Variants in SCRN1 observed in about 807,000 individuals in gnomAD.
SCRN1 encodes the protein secernin-1.
Under a neutral mutation model 43.3 loss-of-function variants are expected in SCRN1, and 19 were observed. The ratio of observed to expected loss-of-function variants is 0.44; its 90% CI spans 0.31 to 0.64. The LOEUF (loss-of-function observed/expected upper bound fraction) is 0.64. Ranked by LOEUF, SCRN1 falls within the 30% of genes least tolerant of loss-of-function variation. The probability of loss-of-function intolerance (pLI) is 0.09; values close to 1 mark genes in which losing one functional copy is unlikely to be tolerated. For missense variants in SCRN1, 447 were observed against 524.1 expected (o/e 0.85, Z 1.44); for synonymous variants, 183 against 188.9 (o/e 0.97, Z 0.26).
chr7:29,961,213 G>A (rs1317396183), intron 2 of SCRN1, among the ~76,000 whole-genome samples: 76 of 142,776 alleles, frequency 5.3e-4, no homozygotes, highest in African/African-American at 1.9e-3. Flanking sequence ...AGAGGACCCT[G>A]CGGCCTTCCG....
rs6967443 is a variant in SCRN1, at chr7:29,938,947, G to A, written c.739+1735C>T. Reference sequence around the variant, plus strand: ...CTCGGCAATTATTATATTAAACAGCGTATTTGTTCCTCTATCCTCTGTATT... The same window carrying A: ...CTCGGCAATTATTATATTAAACAGCATATTTGTTCCTCTATCCTCTGTATT... On this transcript the variant is annotated intron_variant, in intron 5 of 7. Transcript: ENST00000242059. Among the ~76,000 whole-genome samples, 97 of 152,174 alleles carry A rather than the reference G, an allele frequency of 6.4e-4. 1 individual carries two copies. The highest frequency in any genetic ancestry group is 2.1e-3 in the African/African-American group (87 of 41,498).
intron 4 of SCRN1, among the ~76,000 whole-genome samples, chr7:29,941,274 A>G (rs1787537737): frequency 6.6e-6 from 1 of 152,238 alleles, no homozygotes; most frequent in Non-Finnish European, 1.5e-5. Context: ...GTCCTCTATA[A>G]TAGAGATGCT....
At chr7:29,930,458 G>A (rs139351325) in intron 6 of SCRN1, among the ~76,000 whole-genome samples, 174 of 152,254 alleles carry the variant, frequency 1.1e-3, no homozygotes, top group African/African-American at 3.0e-3. Context: ...AGCCACAGAC[G>A]GTAGCTTCTT....
intron 2 of SCRN1, among the ~76,000 whole-genome samples, chr7:29,963,281 C>T (rs1788388810): frequency 6.6e-6 from 1 of 152,106 alleles, no homozygotes; most frequent in South Asian, 2.1e-4. Flanking sequence ...AGAACTCATC[C>T]TCCTAGTTTC....
chr7:29,990,019 T>C, upstream of SCRN1: 1 of 1,451,208 alleles, frequency 6.9e-7, no homozygotes, highest in Non-Finnish European at 9.0e-7. Flanking sequence ...TGGCCCCCTC[T>C]TTGCTAGATT....
intron 7 of SCRN1, 92 bp from the exon 8 acceptor site, chr7:29,924,207 C>T: frequency 2.3e-6 from 3 of 1,310,144 alleles, no homozygotes; most frequent in Non-Finnish European, 3.1e-6. Context: ...AGCTGGCTTC[C>T]TGCTCAAGGT....
At chr7:29,929,685 C>T (rs746042017) in intron 6 of SCRN1, among the ~76,000 whole-genome samples, 1 of 152,238 alleles carries the variant, frequency 6.6e-6, no homozygotes. Flanking sequence ...CACTGTGGGT[C>T]CATGTTTTCC....
Position 29,968,980 on chromosome 7 carries a change from G to T in SCRN1, c.88C>A (p.Arg30=). The T allele has an allele frequency of 6.2e-7, 1 of 1,613,994 alleles. No homozygotes were observed. The highest frequency in any genetic ancestry group is 1.6e-4 in the Middle Eastern group (1 of 6,062). ...ACCTCTTGCACTTCATCTCTGGGCC[G>T]GGCTGAATTTTTCCCAAATACCACC... The part of the protein sequence containing the change: ...GLVVFGKNSA[R]PRDEVQEVVY... Residue 30 remains arginine, a synonymous_variant, in exon 2 of 8, where the codon CGG becomes AGG. Transcript: ENST00000242059.
At chr7:29,959,685 G>A (rs568419096) in intron 2 of SCRN1, among the ~76,000 whole-genome samples, 1 of 152,278 alleles carries the variant, frequency 6.6e-6, no homozygotes, top group East Asian at 1.9e-4. Context: ...AAGGTGCTGA[G>A]ATCAGAGGGC....
rs567173580 is a variant in SCRN1 at position 29,936,828 on chromosome 7, C to T, written c.740-107G>A. ...TTGGGAGGCCGAGGCGGGCGGATCA[C>T]GAGGTCAGGAGATCGCGACCATCCT... On this transcript the variant is annotated intron_variant, in intron 5 of 7. Coordinates refer to ENST00000242059, the MANE Select transcript of SCRN1 (RefSeq NM_014766.5). 103 of 840,406 alleles carry T rather than the reference C, an allele frequency of 1.2e-4. No individual in the cohort carries two copies. The South Asian group carries it at 1.4e-3, about 12-fold the overall frequency. 52.1% of individuals were successfully genotyped at this position (840,406 alleles called of 1,614,324 possible).
At chr7:29,990,052 CAA>C (rs1330382591), upstream of SCRN1, 7 of 1,496,924 alleles carry the variant, frequency 4.7e-6, no homozygotes, top group African/African-American at 9.9e-5. Flanking sequence ...TTGTGGCTCT[CAA>C]AAGGGAAAAC....
chr7:29,935,172 G>A (rs11762030), intron 6 of SCRN1, among the ~76,000 whole-genome samples: 7,976 of 152,260 alleles, frequency 0.052, 279 homozygotes, highest in Non-Finnish European at 0.083. Context: ...TTGAATGAAC[G>A]AGTGAATGAA....
chr7:29,950,528 G>A lies in SCRN1; in HGVS notation c.341+4651C>T, dbSNP rs376748187. ...TCAAGCCAGGAATGGCCGGAAGCCC[G>A]GAGGCTGGTCTGCTAGTTCCGGGTG... On this transcript the variant is annotated intron_variant, in intron 3 of 7. Transcript: ENST00000242059. This position sits in a 1 kb window ranked among gnomAD's most constrained non-coding sequence, Gnocchi z 4.5. Among the ~76,000 whole-genome samples the A allele has an allele frequency of 3.3e-5, 5 of 152,224 alleles. No homozygotes were observed. Among genetic ancestry groups the A allele is most frequent in the South Asian group, 2.1e-4 (1 of 4,832 alleles).
At chr7:29,951,531 C>T (rs1425544161) in intron 3 of SCRN1, among the ~76,000 whole-genome samples, 1 of 152,244 alleles carries the variant, frequency 6.6e-6, no homozygotes, top group African/African-American at 2.4e-5. Context: ...GCATGAGCCA[C>T]TGCACCTGGC....
At chr7:29,969,353 G>A in intron 1 of SCRN1, 1 of 426,378 alleles carries the variant, frequency 2.3e-6, no homozygotes, top group Non-Finnish European at 4.3e-6. Flanking sequence ...GAAAGGAAAG[G>A]AGGTTATTGT....
intron 7 of SCRN1, among the ~76,000 whole-genome samples, chr7:29,924,881 C>T (rs922103359): frequency 6.6e-6 from 1 of 152,170 alleles, no homozygotes. Flanking sequence ...AGAAGCTGCT[C>T]TCACCACCCG....
intron 1 of SCRN1, chr7:29,989,066 G>GAGAACCCAGGGGCGGCCCGCGC (rs1789265427): frequency 6.6e-6 from 1 of 152,038 alleles, no homozygotes. Flanking sequence ...GCGGCCCGCG[G>GAGAACCCAGGGGCGGCCCGCGC]AGAACCCAGG....
rs746544955 is a variant in SCRN1 at position 29,969,046 on chromosome 7, A to T, written c.22T>A (p.Tyr8Asn). Residue 8 changes from tyrosine (Y) to asparagine (N), a missense_variant, in exon 2 of 8, where the codon TAC becomes AAC. Physicochemically the swap from Tyr to Asn is moderately radical, Grantham distance 143. Coordinates refer to ENST00000242059, the MANE Select transcript of SCRN1 (RefSeq NM_014766.5). Reference sequence around the variant, plus strand: ...CGTGGAGGGAAGGCAACAAAACAGTAACTTGGAGGAGCTGCAGCCATCCTG... The same window carrying T: ...CGTGGAGGGAAGGCAACAAAACAGTTACTTGGAGGAGCTGCAGCCATCCTG... MAAAPPSYCFVAFPPRAK... is the reference protein window; with the variant it reads MAAAPPSNCFVAFPPRAK... 2 of 1,613,742 alleles carry T rather than the reference A, an allele frequency of 1.2e-6. No individual in the cohort carries two copies. Among genetic ancestry groups the T allele is most frequent in the Non-Finnish European group, 1.7e-6 (2 of 1,179,844 alleles).
At position 29,923,698 on chromosome 7, in the gene SCRN1, C is replaced by A; in HGVS notation, c.*259G>T. On this transcript the variant is annotated 3_prime_UTR_variant, in exon 8 of 8. Transcript: ENST00000242059. ...TGCCACTGAAATACAATAATAGCAG[C>A]TTAAAATCCACAATTAGTCACACAA... The A allele has an allele frequency of 2.7e-6, 1 of 371,548 alleles. No homozygotes were observed. 23.0% of individuals were successfully genotyped at this position (371,548 alleles called of 1,614,324 possible). A position where few individuals can be genotyped will look rare whatever the true frequency, so the allele number is the denominator to read the frequency against.
Sources: allele counts gnomAD v4.1 joint callset (sites outside exome capture counted in the v4.1 genomes callset), GRCh38; gene constraint gnomAD v4.1.1; non-coding constraint Gnocchi (gnomAD v3.1); transcripts MANE v1.5; gene names NCBI Gene and HGNC (gene_info 2026-07-23, HGNC 2026-07-21).